Variants in LMLN observed in about 807,000 individuals in gnomAD.
The protein encoded by LMLN is leishmanolysin like peptidase.
In LMLN, 70 loss-of-function variants were observed where a neutral mutation model predicts 92.3. That is an observed-to-expected ratio of 0.76 (90% confidence interval 0.63 to 0.92). The LOEUF (loss-of-function observed/expected upper bound fraction) is 0.92, where lower values mean the gene tolerates loss of function less well. Among genes scored for constraint, LMLN ranks in the 40% least tolerant of loss-of-function variants. The pLI, the probability that LMLN is intolerant of heterozygous loss-of-function variation, is 0.00. For missense variants in LMLN, 691 were observed against 814.6 expected (o/e 0.85, Z 1.85); for synonymous variants, 308 against 296.2 (o/e 1.04, Z -0.41).
chr3:198,028,342 C>G (rs998193683), intron 14 of LMLN, among the ~76,000 whole-genome samples: 2 of 152,126 alleles, frequency 1.3e-5, no homozygotes, highest in Admixed American at 6.6e-5. Flanking sequence ...GGCTTTGACA[C>G]CTGTAGGATA....
chr3:198,026,324 T>G (rs1158084391), intron 14 of LMLN, among the ~76,000 whole-genome samples: 2 of 151,916 alleles, frequency 1.3e-5, no homozygotes, highest in Non-Finnish European at 2.9e-5. Context: ...TTTTTTTTCA[T>G]TTTTCCTCTT....
intron 9 of LMLN, chr3:197,994,708 T>TAA (rs1168820368): frequency 3.9e-5 from 6 of 152,130 alleles, no homozygotes; most frequent in Non-Finnish European, 5.9e-5. Flanking sequence ...TTCCATATTT[T>TAA]AAAAAGAAAA....
intron 11 of LMLN, among the ~76,000 whole-genome samples, chr3:198,015,288 C>T (rs1403613285): frequency 4.4e-4 from 29 of 65,756 alleles, no homozygotes; most frequent in African/African-American, 6.9e-4. Flanking sequence ...CCCTTCAGAG[C>T]CCCCTAACTA....
At chr3:198,036,693 C>T (rs73891806) in intron 15 of LMLN, among the ~76,000 whole-genome samples, 10,442 of 152,164 alleles carry the variant, frequency 0.069, 460 homozygotes, top group African/African-American at 0.11. Flanking sequence ...TTGAGAAGAA[C>T]GCCTTCCCCA....
intron 11 of LMLN, among the ~76,000 whole-genome samples, chr3:198,000,884 C>A (rs552413670): frequency 4.2e-4 from 64 of 152,112 alleles, no homozygotes; most frequent in Non-Finnish European, 7.9e-4. Flanking sequence ...ACCTACAGTG[C>A]AGTCCTTTAT....
chr3:198,022,294 G>T (rs1722803793), intron 13 of LMLN, among the ~76,000 whole-genome samples: 1 of 152,138 alleles, frequency 6.6e-6, no homozygotes, highest in Admixed American at 6.5e-5. Context: ...TGGCAATTGG[G>T]TATTCTGCAA....
At position 197,975,705 on chromosome 3, in the gene LMLN, G is replaced by A. The variant is rs529156492; in HGVS notation, c.349-324G>A. ...TGAGATATATCACAGTTTTGTTAAA[G>A]GTGTAGTATCGAAGGAAATTAATAT... is the stretch of plus-strand genomic sequence containing the variant. On this transcript the variant is annotated intron_variant, in intron 3 of 15. Transcript: ENST00000330198. Among the ~76,000 whole-genome samples, 5 of 152,118 alleles carry A rather than the reference G, an allele frequency of 3.3e-5. No homozygotes were observed. In the South Asian group the frequency reaches 8.4e-4, roughly 25 times the overall value.
intron 11 of LMLN, among the ~76,000 whole-genome samples, chr3:198,015,259 C>G (rs1251929856): frequency 5.1e-5 from 6 of 118,028 alleles, no homozygotes; most frequent in African/African-American, 1.0e-4. Flanking sequence ...AGCCCCCTAA[C>G]TAGTCTGACT....
rs946474452 is a variant in LMLN, at chr3:198,019,312, G to A, written c.1292G>A (p.Cys431Tyr). The A allele has an allele frequency of 6.2e-7, 1 of 1,614,112 alleles. No homozygotes were observed. The highest frequency in any genetic ancestry group is 8.5e-7 in the Non-Finnish European group (1 of 1,180,024). Residue 431 changes from cysteine to tyrosine, a missense_variant, in exon 12 of 16, where the codon TGC becomes TAC. Physicochemically the swap from Cys to Tyr is radical, Grantham distance 194. Coordinates refer to ENST00000330198, the Ensembl canonical transcript of LMLN. The surrounding 1 kb of genome is among the most constrained non-coding windows in gnomAD (Gnocchi z 5.5). ...AGAAGTAACCCACTGCAGCTAACTT[G>A]CAGACAGGACCAGAGAGCAGTTGCC...
exon 15 of LMLN, chr3:198,035,900 G>C: frequency 6.2e-7 from 1 of 1,613,906 alleles, no homozygotes; most frequent in Non-Finnish European, 8.5e-7. Context: ...AGTCGGGCTG[G>C]GCAGGTCCTC....
At position 197,976,112 on chromosome 3, in the gene LMLN, G is replaced by T. The variant is rs1423872926; in HGVS notation, c.431+1G>T. On this transcript the variant is annotated splice_donor_variant, in intron 4 of 15. Coordinates refer to ENST00000330198, the Ensembl canonical transcript of LMLN. LOFTEE classifies it high-confidence loss of function. ...CTGCGGGCACTATCTTACTTAGCAG[G>T]TATGTCACATGAAACACAGATCATT... is the stretch of plus-strand genomic sequence containing the variant. The T allele has an allele frequency of 6.3e-7, 1 of 1,581,968 alleles. No homozygotes were observed. The highest frequency in any genetic ancestry group is 8.6e-7 in the Non-Finnish European group (1 of 1,156,634).
At chr3:198,028,602 T>G (rs1272029447) in intron 14 of LMLN, among the ~76,000 whole-genome samples, 1 of 152,234 alleles carries the variant, frequency 6.6e-6, no homozygotes, top group Non-Finnish European at 1.5e-5. Context: ...ACTGAGATCA[T>G]GGACCTTATC....
chr3:197,962,042 A>G (rs1161381716), intron 1 of LMLN, among the ~76,000 whole-genome samples: 4 of 152,180 alleles, frequency 2.6e-5, no homozygotes, highest in Non-Finnish European at 1.5e-5. Context: ...GAAATGCCAC[A>G]AATGTATCCA....
intron 11 of LMLN, among the ~76,000 whole-genome samples, chr3:198,011,507 T>C (rs1339591206): frequency 6.6e-6 from 1 of 151,920 alleles, no homozygotes; most frequent in African/African-American, 2.4e-5. Context: ...CCACATTTTC[T>C]TAATCCAGTC....
chr3:198,022,024 G>T (rs1722797559), intron 13 of LMLN, among the ~76,000 whole-genome samples: 1 of 152,198 alleles, frequency 6.6e-6, no homozygotes, highest in Non-Finnish European at 1.5e-5. Context: ...TCCCAGATAG[G>T]CGGATAGATA....
chr3:197,975,974 A>T, intron 3 of LMLN, 55 bp from the exon 4 acceptor site: 1 of 1,073,982 alleles, frequency 9.3e-7, no homozygotes, highest in Non-Finnish European at 1.4e-6. Flanking sequence ...TCTTTTAAAT[A>T]TAATTTATCT....
intron 11 of LMLN, among the ~76,000 whole-genome samples, chr3:198,009,992 C>T (rs562834152): frequency 2.6e-4 from 39 of 152,142 alleles, no homozygotes; most frequent in African/African-American, 9.1e-4. Context: ...TGCATGTTCT[C>T]TTTATCTTTT....
intron 14 of LMLN, among the ~76,000 whole-genome samples, chr3:198,026,025 G>A (rs920549517): frequency 5.3e-5 from 8 of 151,416 alleles, no homozygotes; most frequent in African/African-American, 1.7e-4. Context: ...GTGCGATCAC[G>A]CTCACTGCAG....
intron 6 of LMLN, among the ~76,000 whole-genome samples, chr3:197,981,382 C>A (rs568988004): frequency 2.6e-5 from 4 of 152,032 alleles, no homozygotes; most frequent in Non-Finnish European, 5.9e-5. Flanking sequence ...CAAAAAACAA[C>A]AATAATAATG....
Sources: allele counts gnomAD v4.1 joint callset (sites outside exome capture counted in the v4.1 genomes callset), GRCh38; gene constraint gnomAD v4.1.1; non-coding constraint Gnocchi (gnomAD v3.1); transcripts MANE v1.5; gene names NCBI Gene and HGNC (gene_info 2026-07-23, HGNC 2026-07-21).